Variants in LRP5 observed in about 807,000 individuals in gnomAD.
The protein encoded by LRP5 is LDL receptor related protein 5.
A neutral mutation model predicts 154.1 loss-of-function variants in LRP5; 62 were observed. The observed-to-expected ratio is 0.40, with a 90% confidence interval of 0.33 to 0.50. LRP5 has a LOEUF of 0.50. Ranked by LOEUF, LRP5 falls within the 20% of genes least tolerant of loss-of-function variation. LRP5 has a pLI of 0.55. For synonymous variants in LRP5, 966 were observed against 1,011.5 expected, an observed-to-expected ratio of 0.96 and a Z score of 0.85; for missense variants, 1,915 against 2,336.7, an observed-to-expected ratio of 0.82 and a Z score of 3.72.
At position 68,403,653 on chromosome 11, in the gene LRP5, G is replaced by T; in HGVS notation, c.1755G>T (p.Leu585=). 1 of 1,614,174 alleles carries T rather than the reference G, an allele frequency of 6.2e-7. No homozygotes were observed. Among genetic ancestry groups the T allele is most frequent in the Non-Finnish European group, 8.5e-7 (1 of 1,180,052 alleles). ...GCCGGGACGTCATCATTGACCAGCT[G>T]CCCGACCTGATGGGGCTCAAAGCTG... ...KASRDVIIDQ[L]PDLMGLKAVN... Residue 585 remains leucine, a synonymous_variant, in exon 8 of 23, where the codon CTG becomes CTT. Transcript: ENST00000294304.
At chr11:68,442,377 C>T (rs147876678) in intron 21 of LRP5, among the ~76,000 whole-genome samples, 9 of 152,298 alleles carry the variant, frequency 5.9e-5, no homozygotes, top group Non-Finnish European at 7.3e-5. Flanking sequence ...TGGGCTCAAG[C>T]GATTCTCCTG....
rs773036756 is a variant in LRP5, at chr11:68,413,874, T to C, written c.2689T>C (p.Ser897Pro). 3.1e-6 allele frequency: 5 copies of C among 1,613,194 alleles called. No homozygotes were observed. In the East Asian group the frequency reaches 1.1e-4, roughly 36 times the overall value. ...CGTGATGGACATCCTGGTGTTCCAC[T>C]CCTCCCGCCAGGATGGCCTCAATGA... is the stretch of plus-strand genomic sequence containing the variant. ...DFVMDILVFH[S>P]SRQDGLNDCM... is the part of the protein sequence containing the mutation. The change falls in exon 12 of 23, where the codon TCC becomes CCC. Residue 897 changes from serine to proline, a missense_variant. Ser to Pro is a moderately conservative substitution (Grantham distance 74, BLOSUM62 -1). This residue lies in a region of LRP5 where 1,094 missense variants were observed against 1,210.1 expected (regional missense o/e 0.90). Transcript: ENST00000294304. This position sits in a 1 kb window ranked among gnomAD's most constrained non-coding sequence, Gnocchi z 5.1.
chr11:68,307,393 G>A, the LRP5 span, among the ~76,000 whole-genome samples: 8 of 151,974 alleles, frequency 5.3e-5, no homozygotes, highest in East Asian at 1.4e-3. Context: ...TAGGCCGGGG[G>A]GTGGCTCATA....
chr11:68,427,662 A>G (rs577149073), intron 16 of LRP5, among the ~76,000 whole-genome samples: 6 of 151,482 alleles, frequency 4.0e-5, no homozygotes, highest in South Asian at 2.1e-4. Context: ...CCTAGGCAAT[A>G]GAGTGAGACT....
At chr11:68,348,714 C>T (rs1484529928) in intron 2 of LRP5, among the ~76,000 whole-genome samples, 7 of 152,206 alleles carry the variant, frequency 4.6e-5, no homozygotes, top group Admixed American at 1.3e-4. Flanking sequence ...GAGGCCAAGG[C>T]GGGCAGATCA....
At chr11:68,395,487 G>A (rs1453374091) in intron 7 of LRP5, among the ~76,000 whole-genome samples, 7 of 152,048 alleles carry the variant, frequency 4.6e-5, no homozygotes, top group Admixed American at 3.9e-4. Context: ...AGGAGTGATG[G>A]CGCAGGGCAC....
chr11:68,405,769 G>A (rs565653067), intron 8 of LRP5, among the ~76,000 whole-genome samples: 2 of 152,182 alleles, frequency 1.3e-5, no homozygotes, highest in African/African-American at 4.8e-5. Context: ...AAAAATAAAC[G>A]AACGGTCTGT....
upstream of LRP5, among the ~76,000 whole-genome samples, chr11:68,311,897 TCTC>T (rs1354323882): frequency 5.9e-5 from 9 of 152,196 alleles, no homozygotes; most frequent in Non-Finnish European, 1.3e-4. Context: ...GTGAGATTCT[TCTC>T]CTACCAGCAC....
intron 18 of LRP5, among the ~76,000 whole-genome samples, chr11:68,435,173 C>T (rs7128809): frequency 6.6e-6 from 1 of 152,352 alleles, no homozygotes; most frequent in South Asian, 2.1e-4. Flanking sequence ...TCACGTCTGG[C>T]CCTTGACAGA....
intron 6 of LRP5, among the ~76,000 whole-genome samples, chr11:68,388,014 T>C (rs1309208556): frequency 6.6e-6 from 1 of 152,086 alleles, no homozygotes; most frequent in East Asian, 1.9e-4. Context: ...GACTGGTGTC[T>C]AGGAGCCAGC....
chr11:68,375,687 A>T (rs2098636972), intron 5 of LRP5, among the ~76,000 whole-genome samples: 1 of 152,110 alleles, frequency 6.6e-6, no homozygotes, highest in South Asian at 2.1e-4. Flanking sequence ...CACCTTCAAG[A>T]GGGTTTGAGA....
At chr11:68,344,145 CAT>C (rs2098610791) in intron 1 of LRP5, among the ~76,000 whole-genome samples, 2 of 152,164 alleles carry the variant, frequency 1.3e-5, no homozygotes, top group Admixed American at 6.5e-5. Flanking sequence ...CTGTGAGCTG[CAT>C]AGTTGTCGCC....
chr11:68,351,614 T>G (rs1005850262), intron 2 of LRP5, among the ~76,000 whole-genome samples: 4 of 152,158 alleles, frequency 2.6e-5, no homozygotes, highest in African/African-American at 4.8e-5. Flanking sequence ...CGTGGGTCGC[T>G]GCAGCTCCCT....
chr11:68,418,937 C>A (rs550256044), intron 13 of LRP5, among the ~76,000 whole-genome samples: 2 of 152,294 alleles, frequency 1.3e-5, no homozygotes, highest in African/African-American at 4.8e-5. Flanking sequence ...GAGCTGCGTT[C>A]TTTTATGGTG....
Position 68,363,813 on chromosome 11 carries a change from C to T in LRP5, c.753C>T (p.Tyr251=), listed in dbSNP as rs759998730. 3.1e-6 allele frequency: 5 copies of T among 1,613,008 alleles called. No homozygotes were observed. The highest frequency in any genetic ancestry group is 4.2e-6 in the Non-Finnish European group (5 of 1,179,912). The change falls in exon 4 of 23, where the codon TAC becomes TAT. Residue 251 remains tyrosine, a synonymous_variant. Transcript: ENST00000294304. ...TGACGCTCTCCGGGGACACTCTGTA[C>T]TGGACAGACTGGCAGACCCGCTCCA... ...FALTLSGDTL[Y]WTDWQTRSIH...
At chr11:68,438,421 A>G in intron 19 of LRP5, 25 bp from the exon 20 acceptor site, 4 of 1,605,700 alleles carry the variant, frequency 2.5e-6, no homozygotes, top group Non-Finnish European at 1.7e-6. Context: ...AATGTTGGCC[A>G]CCTCTTTCTG....
chr11:68,423,412 C>T lies in LRP5; in HGVS notation c.3028-77C>T, dbSNP rs985574957. ...GTCTCCACCAGTGCCCGGGGGTCTC[C>T]GCCAGTGCCAGGGGTCTCCGCCAGT... On this transcript the variant is annotated intron_variant, in intron 13 of 22. Coordinates refer to ENST00000294304, the MANE Select transcript of LRP5 (RefSeq NM_002335.4). This position sits in a 1 kb window ranked among gnomAD's most constrained non-coding sequence, Gnocchi z 4.7. 1.5e-5 allele frequency: 21 copies of T among 1,401,828 alleles called. No individual in the cohort carries two copies. The highest frequency in any genetic ancestry group is 2.3e-5 in the East Asian group (1 of 43,914). The allele number at this position is 1,401,828 out of a possible 1,614,324, so 86.8% of individuals were successfully genotyped here.
At chr11:68,441,998 C>T (rs1044627731) in intron 21 of LRP5, among the ~76,000 whole-genome samples, 1 of 152,244 alleles carries the variant, frequency 6.6e-6, no homozygotes, top group Non-Finnish European at 1.5e-5. Context: ...GCCCCCATGA[C>T]GCCAAGCAGG....
chr11:68,408,098 T>C (rs1023712513), intron 9 of LRP5, among the ~76,000 whole-genome samples: 22 of 152,108 alleles, frequency 1.4e-4, no homozygotes, highest in Non-Finnish European at 2.4e-4. Flanking sequence ...GTTGTTGAGA[T>C]AGGGTTTCCC....
Sources: gnomAD v4.1 joint callset for allele counts (sites outside exome capture counted in the v4.1 genomes callset) on GRCh38, gnomAD v4.1.1 for gene constraint, gnomAD v4.1.1 regional missense constraint, Gnocchi (gnomAD v3.1) non-coding constraint, MANE v1.5 for transcripts, NCBI Gene and HGNC (gene_info 2026-07-23, HGNC 2026-07-21) for gene names.